Variants in SPAG16 observed in about 807,000 individuals in gnomAD.
SPAG16 encodes sperm-associated antigen 16 protein.
In SPAG16, 86 loss-of-function variants were observed where a neutral mutation model predicts 80.4. That is an observed-to-expected ratio of 1.07 (90% CI 0.90 to 1.28). The LOEUF is 1.28. SPAG16 is among the 50% of genes most tolerant of loss of function. SPAG16 has a pLI of 0.00. For missense variants in SPAG16, 870 were observed against 765.3 expected (o/e 1.14, Z -1.61); for synonymous variants, 294 against 265.9 (o/e 1.11, Z -1.03).
rs1183982296 is a variant in SPAG16 at position 213,825,701 on chromosome 2, C to CTTTCT, written c.1071-36781_1071-36780insCTTTT. ...TGTAGTTTTCTTTCTTTCTTTCTTT[C>CTTTCT]TTTTTTTTTTTTTTTTTTTTTTGAT... On this transcript the variant is annotated intron_variant, in intron 10 of 15. Transcript: ENST00000331683. 2.6e-4 allele frequency among the ~76,000 whole-genome samples: 29 copies of CTTTCT among 109,798 alleles called. 1 individual carries two copies. The highest frequency in any genetic ancestry group is 5.6e-4 in the South Asian group (2 of 3,544). 72.0% of individuals were successfully genotyped at this position (109,798 alleles called of 152,430 possible).
Position 213,350,637 on chromosome 2 carries a change from G to C in SPAG16, c.754G>C (p.Val252Leu). The part of the protein sequence containing the change: ...MLTSLERDKV[V>L]GQISGLQETL... ...GACCTCCTTGGAAAGAGACAAAGTAGTTGGGCAGGTAAAGATATAGTCAAA... is the reference window on the plus strand; with the variant it reads ...GACCTCCTTGGAAAGAGACAAAGTACTTGGGCAGGTAAAGATATAGTCAAA... Residue 252 changes from valine to leucine, a missense_variant, in exon 7 of 16, where the codon GTT (valine) becomes CTT (leucine). By Grantham distance (32) the Val-to-Leu change is conservative. Transcript: ENST00000331683. 1 of 1,575,566 alleles carries C rather than the reference G, an allele frequency of 6.3e-7. No individual in the cohort carries two copies. The highest frequency in any genetic ancestry group is 8.6e-7 in the Non-Finnish European group (1 of 1,161,668).
chr2:214,279,190 G>A (rs556241789), intron 15 of SPAG16, among the ~76,000 whole-genome samples: 18 of 151,328 alleles, frequency 1.2e-4, no homozygotes, highest in South Asian at 2.1e-4. Context: ...TCCGCCTGCC[G>A]GGTACAAACG....
rs2063944763 is a variant in SPAG16, at chr2:213,674,336, C to T, written c.1070+184246C>T. Among the ~76,000 whole-genome samples the T allele has an allele frequency of 4.0e-5, 6 of 149,466 alleles. 1 individual carries two copies. The South Asian group carries it at 1.3e-3, about 31-fold the overall frequency. On this transcript the variant is annotated intron_variant, in intron 10 of 15. Coordinates refer to ENST00000331683, the MANE Select transcript of SPAG16 (RefSeq NM_024532.5). ...TTTTTTTTCTTAAAGTCATTGTAATCTAAAATTGTCCAGGTCTCACAAATC... is the reference window on the plus strand; with the variant it reads ...TTTTTTTTCTTAAAGTCATTGTAATTTAAAATTGTCCAGGTCTCACAAATC...
At chr2:213,773,278 A>G (rs944763515) in intron 10 of SPAG16, among the ~76,000 whole-genome samples, 3 of 152,204 alleles carry the variant, frequency 2.0e-5, no homozygotes, top group African/African-American at 7.2e-5. Flanking sequence ...AGGCATTCAC[A>G]CACTCCCTTG....
intron 15 of SPAG16, among the ~76,000 whole-genome samples, chr2:214,203,729 G>A (rs2058071187): frequency 6.6e-6 from 1 of 152,176 alleles, no homozygotes; most frequent in Non-Finnish European, 1.5e-5. Context: ...CTTGGGGAGG[G>A]CTACCAGAGG....
intron 10 of SPAG16, among the ~76,000 whole-genome samples, chr2:213,687,259 T>C (rs994787129): frequency 7.2e-5 from 11 of 152,194 alleles, no homozygotes; most frequent in Admixed American, 4.6e-4. Context: ...TTATTGTATA[T>C]ATGTTATAAA....
intron 11 of SPAG16, among the ~76,000 whole-genome samples, chr2:213,925,182 TTTTA>T (rs2078411945): frequency 6.6e-6 from 1 of 152,078 alleles, no homozygotes; most frequent in African/African-American, 2.4e-5. Context: ...TTTGCAAGCA[TTTTA>T]TTTATCTACA....
chr2:213,510,531 C>T (rs567640635), intron 10 of SPAG16, among the ~76,000 whole-genome samples: 14 of 151,982 alleles, frequency 9.2e-5, no homozygotes, highest in South Asian at 2.1e-4. Context: ...TAAATTTCAA[C>T]GTAATATGGA....
At chr2:213,953,272 G>C (rs1312635090) in intron 12 of SPAG16, among the ~76,000 whole-genome samples, 1 of 151,676 alleles carries the variant, frequency 6.6e-6, no homozygotes, top group African/African-American at 2.4e-5. Context: ...CAAAATGTCT[G>C]AATATTCAGA....
At chr2:214,379,573 G>A (rs1299347160) in intron 15 of SPAG16, among the ~76,000 whole-genome samples, 5 of 152,170 alleles carry the variant, frequency 3.3e-5, no homozygotes, top group Non-Finnish European at 7.3e-5. Context: ...CTACAGGGAG[G>A]CTAAGAAGTC....
At chr2:213,659,627 C>T (rs1277291450) in intron 10 of SPAG16, among the ~76,000 whole-genome samples, 2 of 152,086 alleles carry the variant, frequency 1.3e-5, no homozygotes, top group Non-Finnish European at 2.9e-5. Context: ...AGATGATTTT[C>T]GACTCACAAA....
chr2:213,508,400 G>A (rs1179017161), intron 10 of SPAG16, among the ~76,000 whole-genome samples: 1 of 152,054 alleles, frequency 6.6e-6, no homozygotes, highest in African/African-American at 2.4e-5. Flanking sequence ...GTGAAACCCC[G>A]TCTCTACTAA....
intron 12 of SPAG16, among the ~76,000 whole-genome samples, chr2:213,952,201 G>A (rs1049380477): frequency 3.3e-5 from 5 of 152,118 alleles, no homozygotes; most frequent in Admixed American, 1.3e-4. Flanking sequence ...CAAATGAAGA[G>A]TGTAACTGAT....
At position 214,410,287 on chromosome 2, in the gene SPAG16, C is replaced by G. The variant is rs1360916244; in HGVS notation, c.1868C>G (p.Ser623Cys). ...GGGGAGATTCTCTTTTCTGGAGGCT[C>G]TGACGGCACAGTTCGAACGTGGTCT... Reference protein sequence around the residue: ...HDGEILFSGGSDGTVRTWS With the variant: ...HDGEILFSGGCDGTVRTWS Residue 623 changes from serine (S) to cysteine (C), a missense_variant, in exon 16 of 16, where the codon TCT (serine) becomes TGT (cysteine). Coordinates refer to ENST00000331683, the MANE Select transcript of SPAG16 (RefSeq NM_024532.5). 2 of 1,607,516 alleles carry G rather than the reference C, an allele frequency of 1.2e-6. No individual in the cohort carries two copies. The highest frequency in any genetic ancestry group is 1.1e-5 in the South Asian group (1 of 90,974).
At chr2:213,603,924 G>C (rs1441536826) in intron 10 of SPAG16, among the ~76,000 whole-genome samples, 2 of 149,676 alleles carry the variant, frequency 1.3e-5, no homozygotes, top group Admixed American at 6.7e-5. Context: ...AAGACTTCCT[G>C]GTTTTTTTTT....
chr2:213,856,943 C>A (rs2075198177), intron 10 of SPAG16, among the ~76,000 whole-genome samples: 1 of 152,138 alleles, frequency 6.6e-6, no homozygotes, highest in Non-Finnish European at 1.5e-5. Context: ...ACTAAAAAAT[C>A]ATCAGCATAG....
chr2:213,718,355 C>G (rs1056730356), intron 10 of SPAG16, among the ~76,000 whole-genome samples: 1 of 152,188 alleles, frequency 6.6e-6, no homozygotes, highest in Non-Finnish European at 1.5e-5. Context: ...CGCTTGCTCT[C>G]GGCACCCCCC....
At chr2:213,308,766 T>G (rs1423900671) in intron 3 of SPAG16, among the ~76,000 whole-genome samples, 1 of 152,154 alleles carries the variant, frequency 6.6e-6, no homozygotes, top group Non-Finnish European at 1.5e-5. Context: ...TTCCGTGTTT[T>G]GTAATCATTT....
At chr2:214,096,390 A>G (rs1298149522) in intron 13 of SPAG16, among the ~76,000 whole-genome samples, 1 of 151,994 alleles carries the variant, frequency 6.6e-6, no homozygotes, top group Non-Finnish European at 1.5e-5. Flanking sequence ...TGTTGGACAT[A>G]TTGTGACAAA....
Sources: gnomAD v4.1 joint callset for allele counts (sites outside exome capture counted in the v4.1 genomes callset) on GRCh38, gnomAD v4.1.1 for gene constraint, MANE v1.5 for transcripts, NCBI Gene and HGNC (gene_info 2026-07-23, HGNC 2026-07-21) for gene names.